The following SYN3 variants were observed in gnomAD, a reference collection of about 807,000 sequenced individuals.
The protein encoded by SYN3 is synapsin III.
A neutral mutation model predicts 65.8 loss-of-function variants in SYN3; 35 were observed. The observed-to-expected ratio is 0.53, with a 90% confidence interval of 0.41 to 0.70. The LOEUF is 0.70. Ranked by LOEUF, SYN3 falls within the 30% of genes least tolerant of loss-of-function variation. The pLI is 0.00. For missense variants in SYN3, 680 were observed against 749.0 expected, an observed-to-expected ratio of 0.91 and a Z score of 1.08; for synonymous variants, 270 against 292.9, an observed-to-expected ratio of 0.92 and a Z score of 0.80.
chr22:32,787,227 T>C (rs894052562), intron 6 of SYN3, among the ~76,000 whole-genome samples: 6 of 152,080 alleles, frequency 3.9e-5, no homozygotes, highest in African/African-American at 1.4e-4. Flanking sequence ...TTTGTATTTT[T>C]AGTAGAGATA....
chr22:32,605,522 G>T (rs562570974), intron 6 of SYN3, among the ~76,000 whole-genome samples: 1 of 152,322 alleles, frequency 6.6e-6, no homozygotes, highest in South Asian at 2.1e-4. Flanking sequence ...ATCGCCCCAC[G>T]TAAGCCTCTT....
intron 6 of SYN3, among the ~76,000 whole-genome samples, chr22:32,664,469 A>G (rs948141071): frequency 6.6e-6 from 1 of 150,824 alleles, no homozygotes; most frequent in African/African-American, 2.4e-5. Flanking sequence ...TTTTATTTCC[A>G]TAGGTTTTTG....
chr22:32,747,748 C>T (rs748443900), intron 6 of SYN3, among the ~76,000 whole-genome samples: 1 of 152,188 alleles, frequency 6.6e-6, no homozygotes, highest in Non-Finnish European at 1.5e-5. Flanking sequence ...TGGGTTCCAG[C>T]GCCCAGCGAT....
intron 6 of SYN3, among the ~76,000 whole-genome samples, chr22:32,802,525 A>AG (rs1438697680): frequency 2.6e-5 from 4 of 152,184 alleles, no homozygotes; most frequent in Admixed American, 2.0e-4. Flanking sequence ...AAAAAAAAAA[A>AG]AAGTTGCCCG....
intron 7 of SYN3, among the ~76,000 whole-genome samples, chr22:32,552,177 C>G (rs2058426465): frequency 6.6e-6 from 1 of 152,114 alleles, no homozygotes; most frequent in Non-Finnish European, 1.5e-5. Context: ...ACCCGGGAGG[C>G]GGAGGTTGCA....
At chr22:32,528,848 G>A in intron 11 of SYN3, 26 bp downstream of exon 11, 1 of 1,613,864 alleles carries the variant, frequency 6.2e-7, no homozygotes, top group Admixed American at 1.7e-5. Flanking sequence ...TGGCTATAAA[G>A]TCTCCTTTGA....
chr22:32,664,799 C>T (rs1174194904), intron 6 of SYN3, among the ~76,000 whole-genome samples: 1 of 151,156 alleles, frequency 6.6e-6, no homozygotes, highest in Non-Finnish European at 1.5e-5. Context: ...ACTGTGTTAG[C>T]CAGGATGGTC....
chr22:32,706,836 C>A (rs2060887456), intron 6 of SYN3, among the ~76,000 whole-genome samples: 1 of 152,170 alleles, frequency 6.6e-6, no homozygotes, highest in African/African-American at 2.4e-5. Flanking sequence ...GCTGCTCCTT[C>A]TCCTTCTCTC....
intron 1 of SYN3, among the ~76,000 whole-genome samples, chr22:33,008,924 CAAAAAAAAAAAAAAAAAAAAAAAAA>C (rs201719238): frequency 1.8e-5 from 1 of 57,066 alleles, no homozygotes; most frequent in African/African-American, 6.5e-5. Flanking sequence ...GACTTTATCT[CAAAAAAAAAAAAAAAAAAAAAAAAA>C]AAAAAAAAAA....
intron 6 of SYN3, among the ~76,000 whole-genome samples, chr22:32,706,884 C>T (rs2060888304): frequency 6.6e-6 from 1 of 152,170 alleles, no homozygotes; most frequent in Admixed American, 6.5e-5. Flanking sequence ...ACTCTCTCTT[C>T]ACCTTCTTCC....
At chr22:32,569,589 A>ATATATAT (rs1555898709) in intron 7 of SYN3, among the ~76,000 whole-genome samples, 5 of 107,314 alleles carry the variant, frequency 4.7e-5, no homozygotes, top group African/African-American at 1.4e-4. Flanking sequence ...ATATATATAT[A>ATATATAT]AAATCTATCT....
intron 6 of SYN3, among the ~76,000 whole-genome samples, chr22:32,821,895 C>T (rs2146067274): frequency 6.6e-6 from 1 of 152,310 alleles, no homozygotes; most frequent in Non-Finnish European, 1.5e-5. Context: ...GTGGCTCACG[C>T]CTGTAATCTC....
chr22:32,728,095 T>C (rs1292711236), intron 6 of SYN3, among the ~76,000 whole-genome samples: 1 of 152,194 alleles, frequency 6.6e-6, no homozygotes, highest in Non-Finnish European at 1.5e-5. Context: ...CAACTCAAGA[T>C]GGATTAAAGA....
chr22:32,769,916 T>C (rs536350634), intron 6 of SYN3, among the ~76,000 whole-genome samples: 2 of 152,310 alleles, frequency 1.3e-5, no homozygotes, highest in East Asian at 3.9e-4. Flanking sequence ...CTAAATATCA[T>C]CCATGTGTTG....
intron 4 of SYN3, among the ~76,000 whole-genome samples, chr22:32,913,002 T>G (rs1387264948): frequency 6.6e-6 from 1 of 152,088 alleles, no homozygotes; most frequent in South Asian, 2.1e-4. Context: ...TGGACGACGA[T>G]GGTGTGTAGA....
At position 32,555,609 on chromosome 22, in the gene SYN3, G is replaced by C. The variant is rs570791824; in HGVS notation, c.775-13896C>G. Among the ~76,000 whole-genome samples, 4 of 152,290 alleles carry C rather than the reference G, an allele frequency of 2.6e-5. No homozygotes were observed. In the South Asian group the frequency reaches 8.3e-4, roughly 32 times the overall value. ...TTATTTACAAATCAGTGAAAAGTCA[G>C]GAGGATGCATACCAAAAATAATCAC... On this transcript the variant is annotated intron_variant, in intron 7 of 13. Transcript: ENST00000358763.
At chr22:32,958,316 G>A (rs971344052) in intron 3 of SYN3, among the ~76,000 whole-genome samples, 4 of 152,218 alleles carry the variant, frequency 2.6e-5, no homozygotes, top group African/African-American at 9.7e-5. Flanking sequence ...AAGTGTGTCC[G>A]GAATGGCCTC....
chr22:33,012,672 AG>A (rs1487731614), intron 1 of SYN3, among the ~76,000 whole-genome samples: 1 of 152,252 alleles, frequency 6.6e-6, no homozygotes, highest in Non-Finnish European at 1.5e-5. Flanking sequence ...CAGGTTCAAC[AG>A]AGGTGCCAGT....
At chr22:32,635,205 T>TTCTATCTATCTGTCTG (rs774960820) in intron 6 of SYN3, 1 of 152,248 alleles carries the variant, frequency 6.6e-6, no homozygotes, top group Non-Finnish European at 1.5e-5. Context: ...AGGCTAATCT[T>TTCTATCTATCTGTCTG]TCTATCTATC....
Sources: gnomAD v4.1 joint callset for allele counts (sites outside exome capture counted in the v4.1 genomes callset) on GRCh38, gnomAD v4.1.1 for gene constraint, MANE v1.5 for transcripts, NCBI Gene and HGNC (gene_info 2026-07-23, HGNC 2026-07-21) for gene names.